Variants in THADA observed in about 807,000 individuals in gnomAD.
THADA encodes the protein THADA armadillo repeat containing.
THADA carries 213 observed loss-of-function variants against 219.8 expected under a neutral mutation model. The ratio of observed to expected loss-of-function variants is 0.97; its 90% CI spans 0.87 to 1.09. The LOEUF (loss-of-function observed/expected upper bound fraction) is 1.09, where lower values mean the gene tolerates loss of function less well. THADA is among the 50% of genes least tolerant of loss of function. The pLI, the probability that THADA is intolerant of heterozygous loss-of-function variation, is 0.00. For synonymous variants in THADA, 1,018 were observed against 828.9 expected (o/e 1.23, Z -3.92); for missense variants, 2,956 against 2,311.3 (o/e 1.28, Z -5.72).
intron 25 of THADA, among the ~76,000 whole-genome samples, chr2:43,491,385 ATAAG>A (rs1234254975): frequency 6.6e-6 from 1 of 152,222 alleles, no homozygotes; most frequent in Non-Finnish European, 1.5e-5. Context: ...ATTGCCATTA[ATAAG>A]TAAAAAGGAG....
At chr2:43,376,900 C>T (rs1256807048) in intron 29 of THADA, among the ~76,000 whole-genome samples, 1 of 152,128 alleles carries the variant, frequency 6.6e-6, no homozygotes, top group Non-Finnish European at 1.5e-5. Flanking sequence ...GTGCTGGAGC[C>T]AGTGTCAGAC....
intron 8 of THADA, among the ~76,000 whole-genome samples, chr2:43,579,844 G>A (rs1297247599): frequency 2.0e-5 from 3 of 152,158 alleles, no homozygotes; most frequent in Non-Finnish European, 2.9e-5. Context: ...CAGAAAATGT[G>A]TGGGTCGTAC....
At chr2:43,278,802 C>A (rs1673014839) in intron 36 of THADA, among the ~76,000 whole-genome samples, 1 of 152,296 alleles carries the variant, frequency 6.6e-6, no homozygotes, top group African/African-American at 2.4e-5. Flanking sequence ...GGCAAGCAGC[C>A]CCAGCCACAG....
chr2:43,357,595 G>T (rs561488846), intron 29 of THADA, among the ~76,000 whole-genome samples: 81 of 152,302 alleles, frequency 5.3e-4, no homozygotes, highest in African/African-American at 1.8e-3. Context: ...AGCACTGGTT[G>T]TATGGAATAG....
intron 25 of THADA, among the ~76,000 whole-genome samples, chr2:43,487,868 G>C (rs1383362406): frequency 2.0e-5 from 3 of 152,116 alleles, no homozygotes; most frequent in African/African-American, 7.2e-5. Flanking sequence ...GTGGTATTTT[G>C]TTATAGCAGC....
At chr2:43,478,559 T>C (rs1685812434) in intron 26 of THADA, among the ~76,000 whole-genome samples, 1 of 152,140 alleles carries the variant, frequency 6.6e-6, no homozygotes, top group East Asian at 1.9e-4. Flanking sequence ...GCTACAAAAA[T>C]ACCAAAGCTA....
Position 43,578,553 on chromosome 2 carries a change from A to T in THADA, c.776T>A (p.Ile259Asn). 1 of 1,613,122 alleles carries T rather than the reference A, an allele frequency of 6.2e-7. No homozygotes were observed. The highest frequency in any genetic ancestry group is 8.5e-7 in the Non-Finnish European group (1 of 1,179,246). Residue 259 changes from isoleucine (I) to asparagine (N), a missense_variant, in exon 9 of 38, where the codon ATT (isoleucine) becomes AAT (asparagine). Ile to Asn is a moderately radical substitution (Grantham distance 149, BLOSUM62 -3). Transcript: ENST00000405975. ...TTCAGACGGGTGAAACATAGTCTTA[A>T]TAAAAAGAATAATAGCTAATCCAGA... ...STSGLAIILFIKTMFHPSEKI... is the reference protein window; with the variant it reads ...STSGLAIILFNKTMFHPSEKI...
chr2:43,551,111 CTTAA>C (rs1558955913), intron 19 of THADA, among the ~76,000 whole-genome samples: 1 of 152,154 alleles, frequency 6.6e-6, no homozygotes, highest in Non-Finnish European at 1.5e-5. Flanking sequence ...TCCACATTAC[CTTAA>C]TTATCAGCCC....
intron 31 of THADA, among the ~76,000 whole-genome samples, chr2:43,309,183 C>T (rs1677209656): frequency 6.6e-6 from 1 of 152,156 alleles, no homozygotes; most frequent in Non-Finnish European, 1.5e-5. Context: ...CCAAAAAAGA[C>T]ATACATAGTC....
intron 26 of THADA, among the ~76,000 whole-genome samples, chr2:43,443,093 G>C (rs1681051837): frequency 6.6e-6 from 1 of 152,044 alleles, no homozygotes; most frequent in South Asian, 2.1e-4. Context: ...CTGTTTTCTT[G>C]CTTATTTTGC....
chr2:43,382,398 T>C (rs994977731), intron 29 of THADA, among the ~76,000 whole-genome samples: 2 of 152,210 alleles, frequency 1.3e-5, no homozygotes, highest in South Asian at 4.1e-4. Flanking sequence ...GTAAGAAGTT[T>C]ATTTAAAATG....
At chr2:43,266,149 C>T (rs967093575) in intron 36 of THADA, among the ~76,000 whole-genome samples, 1 of 152,094 alleles carries the variant, frequency 6.6e-6, no homozygotes, top group Non-Finnish European at 1.5e-5. Context: ...ACAGGCTCAT[C>T]GCTGGGGCCA....
intron 36 of THADA, among the ~76,000 whole-genome samples, chr2:43,240,880 G>C (rs1200149148): frequency 6.6e-6 from 1 of 152,176 alleles, no homozygotes; most frequent in Non-Finnish European, 1.5e-5. Flanking sequence ...GCTGGCCAGA[G>C]CTCTCAAGGG....
At chr2:43,440,440 C>T (rs1680705951) in intron 26 of THADA, among the ~76,000 whole-genome samples, 1 of 152,172 alleles carries the variant, frequency 6.6e-6, no homozygotes. Context: ...TACAGGATCA[C>T]TGTTTTACAC....
intron 36 of THADA, among the ~76,000 whole-genome samples, chr2:43,256,714 G>T (rs893069971): frequency 2.6e-5 from 4 of 151,762 alleles, no homozygotes; most frequent in Admixed American, 2.6e-4. Flanking sequence ...GAGTAGCTGG[G>T]ACCACAGGTG....
At chr2:43,294,544 T>C (rs1675133850) in intron 31 of THADA, among the ~76,000 whole-genome samples, 1 of 152,136 alleles carries the variant, frequency 6.6e-6, no homozygotes, top group African/African-American at 2.4e-5. Context: ...AGGGAAGAAA[T>C]GTGGCTAGAG....
At chr2:43,323,266 C>A (rs1017305975) in intron 30 of THADA, among the ~76,000 whole-genome samples, 4 of 152,108 alleles carry the variant, frequency 2.6e-5, no homozygotes, top group African/African-American at 9.7e-5. Flanking sequence ...CTCAGCCTCC[C>A]AAATACCTGG....
intron 29 of THADA, among the ~76,000 whole-genome samples, chr2:43,370,986 G>A (rs62137423): frequency 6.6e-6 from 1 of 152,132 alleles, no homozygotes; most frequent in African/African-American, 2.4e-5. Flanking sequence ...TAACAAAAGA[G>A]CTAACATCAC....
At chr2:43,350,203 G>A (rs758450206) in intron 29 of THADA, among the ~76,000 whole-genome samples, 3 of 152,162 alleles carry the variant, frequency 2.0e-5, no homozygotes, top group Non-Finnish European at 2.9e-5. Context: ...CTGCAGGCAG[G>A]CAGGCAGAAG....
Sources: allele counts gnomAD v4.1 joint callset (sites outside exome capture counted in the v4.1 genomes callset), GRCh38; gene constraint gnomAD v4.1.1; transcripts MANE v1.5; gene names NCBI Gene and HGNC (gene_info 2026-07-23, HGNC 2026-07-21).